The following MCTP1 variants were observed in gnomAD, a reference collection of about 807,000 sequenced individuals.
MCTP1 encodes multiple C2 and transmembrane domain-containing protein 1.
In MCTP1, 69 loss-of-function variants were observed where a neutral mutation model predicts 120.6. The observed-to-expected ratio is 0.57, with a 90% CI of 0.47 to 0.70. The LOEUF (loss-of-function observed/expected upper bound fraction) is 0.70, where lower values mean the gene tolerates loss of function less well. MCTP1 is among the 30% of genes least tolerant of loss of function. The pLI is 0.00. For missense variants in MCTP1, 1,203 were observed against 1,248.8 expected, an observed-to-expected ratio of 0.96 and a Z score of 0.55; for synonymous variants, 529 against 493.1, an observed-to-expected ratio of 1.07 and a Z score of -0.96.
chr5:94,966,707 A>G (rs1380226162), intron 2 of MCTP1, among the ~76,000 whole-genome samples: 1 of 151,942 alleles, frequency 6.6e-6, no homozygotes, highest in Non-Finnish European at 1.5e-5. Context: ...AGGCAGGAGA[A>G]TGGCGTGAAC....
intron 1 of MCTP1, among the ~76,000 whole-genome samples, chr5:95,150,482 T>C (rs1200951514): frequency 6.6e-6 from 1 of 152,190 alleles, no homozygotes; most frequent in Admixed American, 6.5e-5. Context: ...GGGAGTAAAA[T>C]CTTTGGCTTT....
chr5:94,980,352 T>C (rs1157970075), intron 2 of MCTP1, among the ~76,000 whole-genome samples: 1 of 152,148 alleles, frequency 6.6e-6, no homozygotes, highest in Non-Finnish European at 1.5e-5. Context: ...GGAAGAGACT[T>C]CGTCCAGTCT....
At chr5:94,815,836 G>C (rs1470986676) in intron 17 of MCTP1, among the ~76,000 whole-genome samples, 1 of 152,132 alleles carries the variant, frequency 6.6e-6, no homozygotes, top group Non-Finnish European at 1.5e-5. Context: ...TTAGAGCAAT[G>C]GTAAATGGAA....
At chr5:95,163,607 C>A (rs572224107) in intron 1 of MCTP1, among the ~76,000 whole-genome samples, 1 of 152,232 alleles carries the variant, frequency 6.6e-6, no homozygotes, top group South Asian at 2.1e-4. Flanking sequence ...TTAAATGCCT[C>A]GAAATTTTGT....
chr5:94,998,144 T>C (rs1832966684), intron 2 of MCTP1, among the ~76,000 whole-genome samples: 1 of 152,158 alleles, frequency 6.6e-6, no homozygotes, highest in Admixed American at 6.6e-5. Flanking sequence ...TTTGTTTTGG[T>C]ATTTTATGTT....
chr5:95,077,477 C>CTT (rs375415681), intron 1 of MCTP1, among the ~76,000 whole-genome samples: 1 of 145,740 alleles, frequency 6.9e-6, no homozygotes, highest in Admixed American at 6.9e-5. Context: ...ATTATATATA[C>CTT]TTTTTTTTTT....
intron 2 of MCTP1, among the ~76,000 whole-genome samples, chr5:94,997,648 T>C (rs1832872362): frequency 1.3e-5 from 2 of 152,160 alleles, no homozygotes; most frequent in Admixed American, 6.6e-5. Context: ...GTACTACCTA[T>C]CAACATCCCT....
intron 13 of MCTP1, among the ~76,000 whole-genome samples, chr5:94,871,914 TTC>T (rs1187761182): frequency 1.3e-5 from 2 of 152,096 alleles, no homozygotes; most frequent in African/African-American, 4.8e-5. Flanking sequence ...TCGACGTAGT[TTC>T]TGTTAGATTT....
At chr5:95,033,525 C>A (rs768999188) in intron 1 of MCTP1, among the ~76,000 whole-genome samples, 36 of 152,026 alleles carry the variant, frequency 2.4e-4, no homozygotes, top group Admixed American at 4.6e-4. Flanking sequence ...TAAAATCCAA[C>A]ATTTTTTCAT....
intron 1 of MCTP1, among the ~76,000 whole-genome samples, chr5:95,198,972 T>G (rs2152545397): frequency 6.6e-6 from 1 of 152,306 alleles, no homozygotes; most frequent in Non-Finnish European, 1.5e-5. Context: ...GGACTGAATC[T>G]CCAAAAGCAA....
At chr5:94,805,349 G>A (rs1000439426) in intron 17 of MCTP1, among the ~76,000 whole-genome samples, 17 of 152,020 alleles carry the variant, frequency 1.1e-4, no homozygotes, top group Admixed American at 4.6e-4. Flanking sequence ...TAAATAGGCC[G>A]GGCACTGTGG....
intron 1 of MCTP1, among the ~76,000 whole-genome samples, chr5:95,154,970 A>T (rs1188662619): frequency 6.6e-6 from 1 of 152,126 alleles, no homozygotes; most frequent in Non-Finnish European, 1.5e-5. Flanking sequence ...TATGATGAAG[A>T]GCACGGTTTA....
At chr5:95,083,916 C>A (rs1192771517) in intron 1 of MCTP1, among the ~76,000 whole-genome samples, 1 of 152,082 alleles carries the variant, frequency 6.6e-6, no homozygotes, top group Non-Finnish European at 1.5e-5. Flanking sequence ...TAGTTATTTT[C>A]TTTTAAAGAA....
chr5:94,948,788 G>A (rs1819759652), intron 3 of MCTP1, among the ~76,000 whole-genome samples: 1 of 152,018 alleles, frequency 6.6e-6, no homozygotes, highest in Non-Finnish European at 1.5e-5. Flanking sequence ...AGTGAAACTT[G>A]GACCTCTAGA....
chr5:95,247,806 T>C (rs1371206233), intron 1 of MCTP1, among the ~76,000 whole-genome samples: 1 of 152,184 alleles, frequency 6.6e-6, no homozygotes, highest in Non-Finnish European at 1.5e-5. Context: ...GTGTTTTACT[T>C]CCAATTATGT....
At chr5:95,134,497 T>C (rs141139797) in intron 1 of MCTP1, among the ~76,000 whole-genome samples, 2 of 152,326 alleles carry the variant, frequency 1.3e-5, no homozygotes, top group African/African-American at 2.4e-5. Context: ...GTTCTGCTGA[T>C]TCAGTCACTC....
chr5:95,111,017 G>A (rs10476533), intron 1 of MCTP1, among the ~76,000 whole-genome samples: 429 of 152,214 alleles, frequency 2.8e-3, no homozygotes, highest in African/African-American at 9.4e-3. Flanking sequence ...AAAAGAAAGC[G>A]TCAATTCCTG....
intron 19 of MCTP1, among the ~76,000 whole-genome samples, chr5:94,717,840 A>G (rs956205533): frequency 6.6e-6 from 1 of 152,200 alleles, no homozygotes; most frequent in Non-Finnish European, 1.5e-5. Flanking sequence ...TTCAAGGAGA[A>G]CTACAAACCA....
chr5:94,859,644 C>T (rs1795368470), intron 17 of MCTP1, among the ~76,000 whole-genome samples: 1 of 151,642 alleles, frequency 6.6e-6, no homozygotes, highest in African/African-American at 2.4e-5. Context: ...TACATACTGA[C>T]ACTCTTTAAG....
Sources: allele counts gnomAD v4.1 joint callset (sites outside exome capture counted in the v4.1 genomes callset), GRCh38; gene constraint gnomAD v4.1.1; transcripts MANE v1.5; gene names NCBI Gene and HGNC (gene_info 2026-07-23, HGNC 2026-07-21).